Variants in TRIM51 observed in about 807,000 individuals in gnomAD.
The protein encoded by TRIM51 is tripartite motif-containing 51.
A neutral mutation model predicts 32.7 loss-of-function variants in TRIM51; 23 were observed. The observed-to-expected ratio is 0.70, with a 90% CI of 0.51 to 1.00. The LOEUF (loss-of-function observed/expected upper bound fraction) is 1.00, where lower values mean the gene tolerates loss of function less well. TRIM51 is among the 50% of genes least tolerant of loss of function. The probability of loss-of-function intolerance (pLI) is 0.00; values close to 1 mark genes in which losing one functional copy is unlikely to be tolerated. For synonymous variants in TRIM51, 177 were observed against 181.9 expected, an observed-to-expected ratio of 0.97 and a Z score of 0.22; for missense variants, 592 against 539.2, an observed-to-expected ratio of 1.10 and a Z score of -0.97.
Position 55,891,487 on chromosome 11 carries a change from C to T in TRIM51, c.1214C>T (p.Pro405Leu), listed in dbSNP as rs762644323. Residue 405 changes from proline to leucine, a missense_variant, in exon 7 of 7, where the codon CCT becomes CTT. By Grantham distance (98) the Pro-to-Leu change is moderately conservative. Coordinates refer to ENST00000449290, the MANE Select transcript of TRIM51 (RefSeq NM_032681.4). Reference protein sequence around the residue: ...SPLVVQYVPRPTSTVGLFLDC... With the variant: ...SPLVVQYVPRLTSTVGLFLDC... ...CTTGTGGTGCAATATGTTCCAAGAC[C>T]TACCAGCACAGTAGGATTATTCCTG... is the stretch of plus-strand genomic sequence containing the variant. 13 of 1,613,332 alleles carry T rather than the reference C, an allele frequency of 8.1e-6. No homozygotes were observed. The highest frequency in any genetic ancestry group is 2.2e-5 in the East Asian group (1 of 44,888).
At chr11:55,889,719 C>A (rs114602644) in intron 5 of TRIM51, among the ~76,000 whole-genome samples, 2 of 152,074 alleles carry the variant, frequency 1.3e-5, no homozygotes, top group Non-Finnish European at 2.9e-5. Flanking sequence ...AGGAGCAATA[C>A]GAAGAAAGAT....
Position 55,891,433 on chromosome 11 carries a change from C to G in TRIM51, c.1160C>G (p.Thr387Ser). 1 of 1,612,822 alleles carries G rather than the reference C, an allele frequency of 6.2e-7. No individual in the cohort carries two copies. The highest frequency in any genetic ancestry group is 8.5e-7 in the Non-Finnish European group (1 of 1,179,706). The change falls in exon 7 of 7, where the codon ACT becomes AGT. Residue 387 changes from threonine (T) to serine (S), a missense_variant. By Grantham distance (58) the Thr-to-Ser change is moderately conservative. Transcript: ENST00000449290. ...CTTCTTGGATGTGTTAAGGAGGACA[C>G]TCACTGCAGTCTCTTTACCACCTCC... The part of the protein sequence containing the change: ...LFLLGCVKED[T>S]HCSLFTTSPL...
At chr11:55,884,149 AACTATAACTAT>A in intron 1 of TRIM51, among the ~76,000 whole-genome samples, 1 of 97,276 alleles carries the variant, frequency 1.0e-5, no homozygotes, top group African/African-American at 4.8e-5. Context: ...ATGTGTACAT[AACTATAACTAT>A]ATATATATAT....
chr11:55,891,565 T>C lies in TRIM51; in HGVS notation c.1292T>C (p.Ile431Thr), dbSNP rs1452882207. The change falls in exon 7 of 7, where the codon ATA becomes ACA. Residue 431 changes from isoleucine to threonine, a missense_variant. Transcript: ENST00000449290. Reference protein sequence around the residue: ...SFVDVDQSSLIYTIPNCSFSP... With the variant: ...SFVDVDQSSLTYTIPNCSFSP... The stretch of plus-strand genomic sequence containing the variant: ...GTTGATGTTGATCAAAGTTCCCTGA[T>C]ATACACCATCCCCAATTGCTCCTTC... 1.9e-6 allele frequency: 3 copies of C among 1,613,494 alleles called. No homozygotes were observed. Among genetic ancestry groups the C allele is most frequent in the African/African-American group, 2.7e-5 (2 of 74,898 alleles).
chr11:55,884,182 T>TATATATATATATATATATAA (rs1458218535), intron 1 of TRIM51, among the ~76,000 whole-genome samples: 1 of 110,286 alleles, frequency 9.1e-6, no homozygotes, highest in East Asian at 3.0e-4. Flanking sequence ...TATATATATA[T>TATATATATATATATATATAA]ACACATACCA....
chr11:55,884,223 A>G (rs2134532068), intron 1 of TRIM51, among the ~76,000 whole-genome samples: 1 of 139,426 alleles, frequency 7.2e-6, no homozygotes, highest in Admixed American at 7.6e-5. Context: ...ACAATTGCCT[A>G]TCGTATACCA....
intron 1 of TRIM51, among the ~76,000 whole-genome samples, chr11:55,884,639 G>A (rs188578769): frequency 9.9e-5 from 15 of 152,010 alleles, no homozygotes; most frequent in African/African-American, 1.7e-4. Flanking sequence ...ATGACTCTCC[G>A]GAAACACCTT....
At chr11:55,886,245 C>A in intron 3 of TRIM51, 27 bp downstream of exon 3, 1 of 1,562,534 alleles carries the variant, frequency 6.4e-7, no homozygotes, top group South Asian at 1.1e-5. Flanking sequence ...TCTACCTTCT[C>A]CGGGAACTTA....
At chr11:55,883,746 T>C (rs1245047135) in intron 1 of TRIM51, among the ~76,000 whole-genome samples, 1 of 152,154 alleles carries the variant, frequency 6.6e-6, no homozygotes, top group African/African-American at 2.4e-5. Flanking sequence ...AATGTTGTGC[T>C]TTCATAACCT....
chr11:55,890,001 C>G lies in TRIM51; in HGVS notation c.821C>G (p.Pro274Arg), dbSNP rs758385753. ...EPVNPELSAGPITGLLDSLSG... is the reference protein window; with the variant it reads ...EPVNPELSAGRITGLLDSLSG... Reference sequence around the variant, plus strand: ...GTGAATCCAGAGCTCAGTGCAGGGCCCATCACTGGACTGCTGGACAGCCTC... The same window carrying G: ...GTGAATCCAGAGCTCAGTGCAGGGCGCATCACTGGACTGCTGGACAGCCTC... The change falls in exon 6 of 7, where the codon CCC (proline) becomes CGC (arginine). Residue 274 changes from proline to arginine, a missense_variant. Coordinates refer to ENST00000449290, the MANE Select transcript of TRIM51 (RefSeq NM_032681.4). 1.1e-5 allele frequency: 17 copies of G among 1,613,312 alleles called. No individual in the cohort carries two copies. The highest frequency in any genetic ancestry group is 1.4e-5 in the Non-Finnish European group (17 of 1,179,526).
chr11:55,886,715 A>G (rs1854583234), intron 3 of TRIM51, among the ~76,000 whole-genome samples: 1 of 152,196 alleles, frequency 6.6e-6, no homozygotes, highest in African/African-American at 2.4e-5. Context: ...TGAATAAGCC[A>G]TAACACATAA....
intron 1 of TRIM51, among the ~76,000 whole-genome samples, chr11:55,884,484 TC>T (rs34568391): frequency 0.17 from 25,753 of 151,650 alleles, 2,416 homozygotes; most frequent in Admixed American, 0.21. Context: ...GATACCAATA[TC>T]CTGGCTGAGT....
Sources: allele counts gnomAD v4.1 joint callset (sites outside exome capture counted in the v4.1 genomes callset), GRCh38; gene constraint gnomAD v4.1.1; transcripts MANE v1.5; gene names NCBI Gene and HGNC (gene_info 2026-07-23, HGNC 2026-07-21).